Variants in LMNA observed in about 807,000 individuals in gnomAD.
The protein encoded by LMNA is lamin.
Under a neutral mutation model 70.4 loss-of-function variants are expected in LMNA, and 20 were observed. That is an observed-to-expected ratio of 0.28 (90% CI 0.20 to 0.41). LMNA has a LOEUF of 0.41. LMNA is among the 10% of genes least tolerant of loss of function. LMNA has a pLI of 1.00. For synonymous variants in LMNA, 339 were observed against 372.8 expected (o/e 0.91, Z 1.04); for missense variants, 652 against 917.2 (o/e 0.71, Z 3.73).
Position 156,137,080 on chromosome 1 carries a change from G to A in LMNA, c.1489-33G>A. On this transcript the variant is annotated intron_variant, in intron 8 of 11. Transcript: ENST00000368300. The surrounding 1 kb of genome is among the most constrained non-coding windows in gnomAD (Gnocchi z 4.6). ...GGGGAGGCCTTGGGTGGCGATGGGA[G>A]CGCTGGGGTAAGTGTCCTTTTCTCC... 1 of 1,614,158 alleles carries A rather than the reference G, an allele frequency of 6.2e-7. No individual in the cohort carries two copies. The highest frequency in any genetic ancestry group is 8.5e-7 in the Non-Finnish European group (1 of 1,179,992).
intron 2 of LMNA, among the ~76,000 whole-genome samples, chr1:156,085,939 G>T (rs911348576): frequency 2.6e-5 from 4 of 152,132 alleles, no homozygotes; most frequent in African/African-American, 7.2e-5. Flanking sequence ...ACCTGTAATC[G>T]CAGCTACTTG....
At chr1:156,113,150 A>T (rs575753258), upstream of LMNA, among the ~76,000 whole-genome samples, 3 of 151,996 alleles carry the variant, frequency 2.0e-5, no homozygotes, top group Non-Finnish European at 2.9e-5. Flanking sequence ...AAAATAAAAA[A>T]AAAATTAGCT....
chr1:156,136,056 C>T lies in LMNA; in HGVS notation c.1092C>T (p.Asp364=), dbSNP rs776589077. 7.4e-6 allele frequency: 12 copies of T among 1,614,116 alleles called. No individual in the cohort carries two copies. The highest frequency in any genetic ancestry group is 1.1e-5 in the South Asian group (1 of 91,068). Residue 364 remains aspartate (D), a synonymous_variant, in exon 6 of 12, where the codon GAC becomes GAT. Transcript: ENST00000368300. The surrounding 1 kb of genome is among the most constrained non-coding windows in gnomAD (Gnocchi z 6.1). ...QQLDEYQELL[D]IKLALDMEIH... is the part of the protein sequence containing the mutation. ...TGGACGAGTACCAGGAGCTTCTGGA[C>T]ATCAAGCTGGCCCTGGACATGGAGA... is the stretch of plus-strand genomic sequence containing the variant.
Position 156,139,469 on chromosome 1 carries a change from C to G in LMNA, c.*363C>G. On this transcript the variant is annotated 3_prime_UTR_variant, in exon 12 of 12. Transcript: ENST00000368300. ...ATAGAGGCTAGCTTCTGCTTTTCTG[C>G]CCTGGCTGCTGCCCCCACCCCGGGG... 7.5e-7 allele frequency: 1 copy of G among 1,335,776 alleles called. No homozygotes were observed. Among genetic ancestry groups the G allele is most frequent in the Non-Finnish European group, 9.6e-7 (1 of 1,045,164 alleles). 82.7% of individuals were successfully genotyped at this position (1,335,776 alleles called of 1,614,324 possible). A position where few individuals can be genotyped will look rare whatever the true frequency, so the allele number is the denominator to read the frequency against.
chr1:156,126,586 C>T (rs1650600488), intron 1 of LMNA: 2 of 846,562 alleles, frequency 2.4e-6, no homozygotes, highest in Non-Finnish European at 4.1e-6. Flanking sequence ...CCTGCTGCAG[C>T]TGGGGAGCCG....
chr1:156,124,543 T>C (rs1650421904), intron 1 of LMNA, among the ~76,000 whole-genome samples: 1 of 152,090 alleles, frequency 6.6e-6, no homozygotes, highest in Non-Finnish European at 1.5e-5. Flanking sequence ...CACCTTGGCC[T>C]CCCAAAGTGC....
Position 156,139,121 on chromosome 1 carries a change from G to C in LMNA, c.*15G>C. On this transcript the variant is annotated 3_prime_UTR_variant, in exon 12 of 12. Transcript: ENST00000368300. ...GCATCATGTAATCTGGGACCTGCCA[G>C]GCAGGGGTGGGGGTGGAGGCTTCCT... 1 of 1,613,882 alleles carries C rather than the reference G, an allele frequency of 6.2e-7. No individual in the cohort carries two copies. The highest frequency in any genetic ancestry group is 8.5e-7 in the Non-Finnish European group (1 of 1,180,008).
chr1:156,134,315 G>A lies in LMNA; in HGVS notation c.514-88G>A, dbSNP rs544465336. 2.0e-6 allele frequency: 3 copies of A among 1,464,804 alleles called. No individual in the cohort carries two copies. Among genetic ancestry groups the A allele is most frequent in the South Asian group, 2.4e-5 (2 of 83,530 alleles). 90.7% of individuals were successfully genotyped at this position (1,464,804 alleles called of 1,614,324 possible). ...GACCTGTTTCCACATGTGTGAAGGG[G>A]TGCACAGGCAGCAGCCCACCTCTCA... is the stretch of plus-strand genomic sequence containing the variant. On this transcript the variant is annotated intron_variant, in intron 2 of 11. Transcript: ENST00000368300. The surrounding 1 kb of genome is among the most constrained non-coding windows in gnomAD (Gnocchi z 5.3).
intron 2 of LMNA, among the ~76,000 whole-genome samples, chr1:156,133,046 G>A (rs1651218561): frequency 6.6e-6 from 1 of 151,600 alleles, no homozygotes; most frequent in South Asian, 2.1e-4. Flanking sequence ...CACCATGTTG[G>A]TCAGGCTGGT....
At chr1:156,114,546 T>G (rs1572331140), upstream of LMNA, 1 of 272,930 alleles carries the variant, frequency 3.7e-6, no homozygotes, top group South Asian at 7.8e-5. Context: ...AGGGGTGCGC[T>G]GGAGAGGGTG....
intron 1 of LMNA, among the ~76,000 whole-genome samples, chr1:156,120,245 A>G (rs1454924792): frequency 6.6e-6 from 1 of 152,228 alleles, no homozygotes; most frequent in African/African-American, 2.4e-5. Context: ...CCCATGTCAC[A>G]CAATAAAGGG....
At chr1:156,116,463 C>T (rs1221284838) in intron 1 of LMNA, among the ~76,000 whole-genome samples, 1 of 151,906 alleles carries the variant, frequency 6.6e-6, no homozygotes, top group Non-Finnish European at 1.5e-5. Context: ...CCTTCCCTTT[C>T]TCTATGCAGA....
At chr1:156,119,585 T>C (rs193040939) in intron 1 of LMNA, among the ~76,000 whole-genome samples, 1 of 152,308 alleles carries the variant, frequency 6.6e-6, no homozygotes, top group Non-Finnish European at 1.5e-5. Flanking sequence ...TCTGTCTCTT[T>C]CTAGTCTGTA....
chr1:156,102,194 G>A lies in LMNA; in HGVS notation c.-207+11612G>A, dbSNP rs557652477. 5.1e-4 allele frequency among the ~76,000 whole-genome samples: 78 copies of A among 152,304 alleles called. 1 individual carries two copies. The highest frequency in any genetic ancestry group is 1.7e-3 in the African/African-American group (71 of 41,558). On this transcript the variant is annotated intron_variant, in intron 3 of 12. Transcript: ENST00000368301. Reference sequence around the variant, plus strand: ...AGGAATGTGCCTGTGCACCTGCTCCGTGATACACGGGGGCGGGACAGTGGA... The same window carrying A: ...AGGAATGTGCCTGTGCACCTGCTCCATGATACACGGGGGCGGGACAGTGGA...
chr1:156,116,843 C>T (rs550011192), intron 1 of LMNA, among the ~76,000 whole-genome samples: 1 of 152,080 alleles, frequency 6.6e-6, no homozygotes, highest in East Asian at 1.9e-4. Flanking sequence ...GGATTACAGG[C>T]ATGAGCCACC....
At chr1:156,131,433 TA>T (rs1057463656) in intron 2 of LMNA, among the ~76,000 whole-genome samples, 5 of 148,622 alleles carry the variant, frequency 3.4e-5, no homozygotes, top group Non-Finnish European at 7.4e-5. Context: ...AATAAAAATT[TA>T]AAGAAATTAG....
intron 3 of LMNA, among the ~76,000 whole-genome samples, chr1:156,100,182 T>C (rs563198333): frequency 2.6e-5 from 4 of 152,178 alleles, no homozygotes; most frequent in Non-Finnish European, 4.4e-5. Context: ...GGAGTTCTCC[T>C]CTATAAAATG....
chr1:156,126,986 C>A, intron 1 of LMNA: 1 of 1,428,340 alleles, frequency 7.0e-7, no homozygotes, highest in East Asian at 2.5e-5. Context: ...CTGAGGGGCC[C>A]AGGTTCCCAC....
At chr1:156,089,428 T>C (rs1648606360) in intron 2 of LMNA, among the ~76,000 whole-genome samples, 1 of 151,814 alleles carries the variant, frequency 6.6e-6, no homozygotes, top group Non-Finnish European at 1.5e-5. Flanking sequence ...CCTGAGTACC[T>C]GGGATTACAG....
Sources: allele counts gnomAD v4.1 joint callset (sites outside exome capture counted in the v4.1 genomes callset), GRCh38; gene constraint gnomAD v4.1.1; non-coding constraint Gnocchi (gnomAD v3.1); transcripts MANE v1.5; gene names NCBI Gene and HGNC (gene_info 2026-07-23, HGNC 2026-07-21).